NCAM2: variants seen among roughly 807,000 people sequenced by gnomAD.
The protein encoded by NCAM2 is neural cell adhesion molecule 2, also known as N-CAM-2.
In NCAM2, 30 loss-of-function variants were observed where a neutral mutation model predicts 98.1. That is an observed-to-expected ratio of 0.31 (90% confidence interval 0.23 to 0.41). The LOEUF (loss-of-function observed/expected upper bound fraction) is 0.41, where lower values mean the gene tolerates loss of function less well. Ranked by LOEUF, NCAM2 falls within the 10% of genes least tolerant of loss-of-function variation. The pLI, the probability that NCAM2 is intolerant of heterozygous loss-of-function variation, is 1.00. For missense variants in NCAM2, 867 were observed against 1,005.8 expected (o/e 0.86, Z 1.87); for synonymous variants, 368 against 342.4 (o/e 1.07, Z -0.83).
intron 12 of NCAM2, among the ~76,000 whole-genome samples, chr21:21,445,277 T>C (rs1031823218): frequency 2.0e-5 from 3 of 152,170 alleles, no homozygotes; most frequent in African/African-American, 2.4e-5. Context: ...TTAGAATAAA[T>C]GCCATATGGA....
chr21:21,107,887 T>G (rs2146514844), intron 1 of NCAM2, among the ~76,000 whole-genome samples: 1 of 152,254 alleles, frequency 6.6e-6, no homozygotes, highest in African/African-American at 2.4e-5. Context: ...TTTTCTTGTT[T>G]AATCCTGTAC....
chr21:21,297,212 G>A (rs1373375045), intron 5 of NCAM2, among the ~76,000 whole-genome samples: 1 of 151,704 alleles, frequency 6.6e-6, no homozygotes, highest in East Asian at 1.9e-4. Context: ...GTTAAAAAAT[G>A]AGTAAGGACG....
chr21:20,998,440 C>A lies in NCAM2; in HGVS notation c.-124C>A. On this transcript the variant is annotated 5_prime_UTR_variant, in exon 1 of 18. Transcript: ENST00000400546. ...CGAGGAGGAGCGCGCGGGCTGCGGG[C>A]GGCTGGGGCACCGCGGGAGCGGCGG... 1.2e-6 allele frequency: 1 copy of A among 827,856 alleles called. No homozygotes were observed. The highest frequency in any genetic ancestry group is 1.9e-6 in the Non-Finnish European group (1 of 538,070). 51.3% of individuals were successfully genotyped at this position (827,856 alleles called of 1,614,324 possible). A position where few individuals can be genotyped will look rare whatever the true frequency, so the allele number is the denominator to read the frequency against.
At chr21:21,288,770 G>A (rs2826768) in intron 4 of NCAM2, among the ~76,000 whole-genome samples, 25,561 of 151,652 alleles carry the variant, frequency 0.17, 2,251 homozygotes, top group Non-Finnish European at 0.2. Flanking sequence ...ATAATGCCAC[G>A]GACCCAGATA....
Position 21,539,866 on chromosome 21 carries a change from A to G in NCAM2, c.*1909A>G, listed in dbSNP as rs965166767. 15 of 152,040 alleles carry G rather than the reference A, an allele frequency of 9.9e-5. No individual in the cohort carries two copies. Among genetic ancestry groups the G allele is most frequent in the Non-Finnish European group, 7.4e-5 (5 of 68,020 alleles). 9.4% of individuals were successfully genotyped at this position (152,040 alleles called of 1,614,324 possible). On this transcript the variant is annotated 3_prime_UTR_variant, in exon 18 of 18. Transcript: ENST00000400546. ...AGATTTGACTGTTCATATTTAGTTT[A>G]TGTTTGTCTGATCATCCAGTTTGCT...
chr21:21,295,980 AG>A (rs2073465577), intron 5 of NCAM2, among the ~76,000 whole-genome samples: 1 of 151,802 alleles, frequency 6.6e-6, no homozygotes, highest in African/African-American at 2.4e-5. Context: ...CACCTTATTG[AG>A]GTATTGAAAA....
intron 15 of NCAM2, among the ~76,000 whole-genome samples, chr21:21,478,506 A>G (rs1247489149): frequency 1.3e-5 from 2 of 151,946 alleles, no homozygotes; most frequent in South Asian, 2.1e-4. Context: ...TGATTTTGTT[A>G]TATCATACAT....
chr21:21,200,407 CTGA>C (rs2069167798), intron 1 of NCAM2, among the ~76,000 whole-genome samples: 3 of 38,068 alleles, frequency 7.9e-5, no homozygotes, highest in Non-Finnish European at 8.7e-5. Flanking sequence ...AACCCCATGC[CTGA>C]AAAAAAAAAA....
intron 5 of NCAM2, among the ~76,000 whole-genome samples, chr21:21,312,596 T>C (rs1002140606): frequency 0.11 from 13 of 116 alleles, no homozygotes; most frequent in Non-Finnish European, 0.16. Context: ...AATGTTGATA[T>C]ATTTCCTATT....
intron 15 of NCAM2, among the ~76,000 whole-genome samples, chr21:21,485,411 A>C (rs2146291241): frequency 6.6e-6 from 1 of 152,258 alleles, no homozygotes; most frequent in South Asian, 2.1e-4. Context: ...AATTCTTGCA[A>C]GCATTAGAGA....
chr21:21,513,400 A>G (rs1334646725), intron 16 of NCAM2, among the ~76,000 whole-genome samples: 3 of 152,056 alleles, frequency 2.0e-5, no homozygotes, highest in Admixed American at 2.0e-4. Flanking sequence ...TGTTTCCATT[A>G]TCATTTGTTT....
intron 1 of NCAM2, among the ~76,000 whole-genome samples, chr21:21,093,436 G>A (rs754809757): frequency 6.6e-6 from 1 of 151,962 alleles, no homozygotes; most frequent in Non-Finnish European, 1.5e-5. Flanking sequence ...CCATTCATCC[G>A]TTGTCCAAAT....
At chr21:21,531,549 C>CT (rs11450485) in intron 16 of NCAM2, among the ~76,000 whole-genome samples, 152,160 of 152,162 alleles carry the variant, frequency 1, 76,079 homozygotes, top group Middle Eastern at 1. Context: ...GAACACCTCC[C>CT]TTAAACATTA....
At chr21:21,333,917 T>C (rs1678970897) in intron 6 of NCAM2, among the ~76,000 whole-genome samples, 1 of 152,060 alleles carries the variant, frequency 6.6e-6, no homozygotes, top group Non-Finnish European at 1.5e-5. Flanking sequence ...GCATTAGTAA[T>C]AATATCAAAA....
chr21:21,153,819 A>G (rs1401463247), intron 1 of NCAM2, among the ~76,000 whole-genome samples: 1 of 151,938 alleles, frequency 6.6e-6, no homozygotes, highest in Non-Finnish European at 1.5e-5. Flanking sequence ...ATGAGTTTAG[A>G]TCATTCTGAA....
chr21:21,512,755 AG>A (rs1277774074), intron 16 of NCAM2, among the ~76,000 whole-genome samples: 4 of 151,922 alleles, frequency 2.6e-5, no homozygotes, highest in Non-Finnish European at 4.4e-5. Context: ...GTCATCTTGA[AG>A]TTTTCATCAA....
chr21:21,418,181 T>C (rs1170052369), intron 10 of NCAM2, among the ~76,000 whole-genome samples: 1 of 152,042 alleles, frequency 6.6e-6, no homozygotes, highest in Non-Finnish European at 1.5e-5. Context: ...TATGTAGATA[T>C]AATGGTTATG....
At chr21:21,009,935 G>A (rs959657942) in intron 1 of NCAM2, among the ~76,000 whole-genome samples, 1 of 117,624 alleles carries the variant, frequency 8.5e-6, no homozygotes, top group African/African-American at 3.1e-5. Context: ...GATTTTTGTG[G>A]TGTTCTCTAG....
intron 1 of NCAM2, among the ~76,000 whole-genome samples, chr21:21,029,797 AT>A (rs34683120): frequency 0.033 from 5,051 of 151,594 alleles, 150 homozygotes; most frequent in African/African-American, 0.074. Context: ...TGCCCAGCTA[AT>A]TTTTTGTATT....
Sources: gnomAD v4.1 joint callset for allele counts (sites outside exome capture counted in the v4.1 genomes callset) on GRCh38, gnomAD v4.1.1 for gene constraint, MANE v1.5 for transcripts, NCBI Gene and HGNC (gene_info 2026-07-23, HGNC 2026-07-21) for gene names.